AFF3: variants seen among roughly 807,000 people sequenced by gnomAD.
The protein encoded by AFF3 is AF4/FMR2 family member 3.
Under a neutral mutation model 129.7 loss-of-function variants are expected in AFF3, and 32 were observed. The ratio of observed to expected loss-of-function variants is 0.25; its 90% CI spans 0.19 to 0.33. AFF3 has a LOEUF of 0.33. AFF3 is among the 10% of genes least tolerant of loss of function. AFF3 has a pLI of 1.00. For synonymous variants in AFF3, 644 were observed against 635.4 expected (o/e 1.01, Z -0.20); for missense variants, 1,373 against 1,592.0 (o/e 0.86, Z 2.34).
chr2:99,679,476 C>T (rs1050483384), intron 11 of AFF3, among the ~76,000 whole-genome samples: 3 of 152,160 alleles, frequency 2.0e-5, no homozygotes, highest in Admixed American at 6.5e-5. Context: ...CCTAGAAGAA[C>T]CTCACAAAAG....
Position 99,801,480 on chromosome 2 carries a change from T to C in AFF3, c.921+35997A>G, listed in dbSNP as rs143409743. 3.4e-3 allele frequency among the ~76,000 whole-genome samples: 518 copies of C among 152,244 alleles called. 3 individuals are homozygous for C. The highest frequency in any genetic ancestry group is 0.012 in the African/African-American group (499 of 41,544). The stretch of plus-strand genomic sequence containing the variant: ...AAAGTGAAGCCAATAGCACTACTGA[T>C]TGGAAAGGCAGGGGTGGGCCCCTAA... On this transcript the variant is annotated intron_variant, in intron 8 of 24. Transcript: ENST00000672756.
At chr2:99,752,190 C>T in intron 9 of AFF3, 31 bp downstream of exon 9, 1 of 1,571,642 alleles carries the variant, frequency 6.4e-7, no homozygotes, top group Non-Finnish European at 8.8e-7. Context: ...ATGAGTGAAA[C>T]ATATTCCTCC....
At chr2:99,656,529 A>G (rs1392823349) in intron 12 of AFF3, among the ~76,000 whole-genome samples, 20 of 152,218 alleles carry the variant, frequency 1.3e-4, no homozygotes, top group Admixed American at 1.3e-3. Flanking sequence ...ATATTTTTAT[A>G]GAAGTTCTAT....
At chr2:99,811,143 G>A (rs972876556) in intron 8 of AFF3, among the ~76,000 whole-genome samples, 1 of 152,198 alleles carries the variant, frequency 6.6e-6, no homozygotes, top group Admixed American at 6.5e-5. Context: ...GTGTCTGGCT[G>A]TAATTATTTA....
intron 7 of AFF3, among the ~76,000 whole-genome samples, chr2:99,954,096 C>T (rs1183326019): frequency 6.6e-6 from 1 of 152,082 alleles, no homozygotes; most frequent in Non-Finnish European, 1.5e-5. Flanking sequence ...TGATATGGAT[C>T]CTTTACCACT....
rs183180331 is a variant in AFF3 at position 100,121,924 on chromosome 2, C to T, written c.-145+7300G>A. On this transcript the variant is annotated intron_variant, in intron 2 of 24. Coordinates refer to ENST00000672756, the MANE Select transcript of AFF3 (RefSeq NM_001386135.1). ...AAAAATACAAAAAATTAGCCGGGCG[C>T]GGTGGCGGGCGCCTGTAGTCCCAGC... 4.6e-3 allele frequency among the ~76,000 whole-genome samples: 694 copies of T among 151,830 alleles called. 17 individuals are homozygous for T. Among genetic ancestry groups the T allele is most frequent in the Admixed American group, 0.037 (562 of 15,262 alleles).
At chr2:100,014,980 A>G (rs1313791882) in intron 4 of AFF3, among the ~76,000 whole-genome samples, 1 of 74,858 alleles carries the variant, frequency 1.3e-5, no homozygotes, top group African/African-American at 5.2e-5. Flanking sequence ...TTTTTTTTGT[A>G]TATTTAGTAG....
At chr2:100,063,326 C>T (rs1265016696) in intron 4 of AFF3, among the ~76,000 whole-genome samples, 2 of 150,714 alleles carry the variant, frequency 1.3e-5, no homozygotes, top group Non-Finnish European at 2.9e-5. Flanking sequence ...AGATTGGCTG[C>T]ATAACAACGT....
At chr2:99,692,746 T>A (rs5011633) in intron 11 of AFF3, among the ~76,000 whole-genome samples, 2 of 109,608 alleles carry the variant, frequency 1.8e-5, no homozygotes, top group Non-Finnish European at 4.6e-5. Context: ...CTGGCAGATC[T>A]TCCTTCACCA....
At chr2:99,596,161 G>A (rs1421583245) in intron 14 of AFF3, among the ~76,000 whole-genome samples, 1 of 152,206 alleles carries the variant, frequency 6.6e-6, no homozygotes, top group South Asian at 2.1e-4. Context: ...ATATGCAAAT[G>A]AGTAGAAAGA....
At chr2:100,072,527 G>A (rs1423790896) in intron 4 of AFF3, among the ~76,000 whole-genome samples, 1 of 152,174 alleles carries the variant, frequency 6.6e-6, no homozygotes, top group African/African-American at 2.4e-5. Context: ...CTGATCCTGA[G>A]TTGGGCTGGG....
intron 18 of AFF3, among the ~76,000 whole-genome samples, chr2:99,574,220 T>A (rs952613553): frequency 1.3e-5 from 2 of 152,222 alleles, no homozygotes; most frequent in Non-Finnish European, 1.5e-5. Flanking sequence ...TAGTGTCACC[T>A]TAATACTGTG....
intron 8 of AFF3, among the ~76,000 whole-genome samples, chr2:99,768,421 C>G (rs556129170): frequency 6.6e-6 from 1 of 152,240 alleles, no homozygotes; most frequent in Non-Finnish European, 1.5e-5. Flanking sequence ...GTGATATACT[C>G]TTTTTCACTG....
intron 7 of AFF3, among the ~76,000 whole-genome samples, chr2:99,904,018 T>G (rs561181125): frequency 6.6e-6 from 1 of 152,276 alleles, no homozygotes; most frequent in African/African-American, 2.4e-5. Flanking sequence ...TTTATTAATT[T>G]TATCATTCAT....
At chr2:99,937,121 A>G (rs1441438869) in intron 7 of AFF3, among the ~76,000 whole-genome samples, 1 of 152,152 alleles carries the variant, frequency 6.6e-6, no homozygotes, top group Admixed American at 6.5e-5. Context: ...GAATATTTGC[A>G]TTATAGAATA....
intron 11 of AFF3, among the ~76,000 whole-genome samples, chr2:99,681,025 C>T (rs948471954): frequency 3.9e-5 from 6 of 152,172 alleles, no homozygotes; most frequent in African/African-American, 2.4e-5. Flanking sequence ...CATATTCTGA[C>T]GGGATAGGTT....
At chr2:99,748,197 C>T (rs977159526) in intron 9 of AFF3, among the ~76,000 whole-genome samples, 1 of 152,166 alleles carries the variant, frequency 6.6e-6, no homozygotes, top group African/African-American at 2.4e-5. Context: ...GTTCCTTTCT[C>T]CAAAGGGACC....
chr2:99,737,390 T>C (rs1459389158), intron 10 of AFF3, among the ~76,000 whole-genome samples: 1 of 152,154 alleles, frequency 6.6e-6, no homozygotes, highest in Non-Finnish European at 1.5e-5. Flanking sequence ...TTGTGAGGAT[T>C]TACTGGTGGC....
chr2:99,700,808 G>A (rs1676775965), intron 11 of AFF3, among the ~76,000 whole-genome samples: 1 of 152,190 alleles, frequency 6.6e-6, no homozygotes, highest in African/African-American at 2.4e-5. Flanking sequence ...ATGGGGACAG[G>A]GGGAAGGAGG....
Sources: gnomAD v4.1 joint callset for allele counts (sites outside exome capture counted in the v4.1 genomes callset) on GRCh38, gnomAD v4.1.1 for gene constraint, MANE v1.5 for transcripts, NCBI Gene and HGNC (gene_info 2026-07-23, HGNC 2026-07-21) for gene names.